KAZN: variants seen among roughly 807,000 people sequenced by gnomAD.
KAZN encodes the protein kazrin.
Under a neutral mutation model 87.4 loss-of-function variants are expected in KAZN, and 40 were observed. That is an observed-to-expected ratio of 0.46 (90% CI 0.36 to 0.60). The LOEUF (loss-of-function observed/expected upper bound fraction) is 0.60, where lower values mean the gene tolerates loss of function less well. KAZN is among the 20% of genes least tolerant of loss of function. The pLI, the probability that KAZN is intolerant of heterozygous loss-of-function variation, is 0.00. For missense variants in KAZN, 898 were observed against 1,073.9 expected, an observed-to-expected ratio of 0.84 and a Z score of 2.29; for synonymous variants, 466 against 458.3, an observed-to-expected ratio of 1.02 and a Z score of -0.22.
chr1:14,214,476 C>A (rs936829459), intron 2 of KAZN, among the ~76,000 whole-genome samples: 2 of 152,248 alleles, frequency 1.3e-5, no homozygotes, highest in Admixed American at 1.3e-4. Flanking sequence ...AATTGACAAT[C>A]TCAACCTTCT....
At chr1:15,064,269 C>T (rs1639045914) in intron 7 of KAZN, among the ~76,000 whole-genome samples, 1 of 152,164 alleles carries the variant, frequency 6.6e-6, no homozygotes, top group African/African-American at 2.4e-5. Flanking sequence ...TGGGTCTGCA[C>T]ACCACCCATT....
intron 1 of KAZN, among the ~76,000 whole-genome samples, chr1:14,646,803 A>C (rs1680844969): frequency 6.6e-6 from 1 of 152,160 alleles, no homozygotes; most frequent in East Asian, 1.9e-4. Flanking sequence ...ATTTCCCATT[A>C]GTTGTTTCCT....
At chr1:14,579,063 A>C (rs1358492401) in intron 2 of KAZN, among the ~76,000 whole-genome samples, 1 of 152,168 alleles carries the variant, frequency 6.6e-6, no homozygotes, top group Admixed American at 6.5e-5. Flanking sequence ...GTTTTTTCTT[A>C]GAAGTCAGCA....
chr1:14,119,521 A>G (rs1451926007), intron 1 of KAZN, among the ~76,000 whole-genome samples: 1 of 152,162 alleles, frequency 6.6e-6, no homozygotes, highest in Non-Finnish European at 1.5e-5. Flanking sequence ...ATTTGCCCTC[A>G]GGGATGAATC....
chr1:14,577,512 G>A (rs1675266553), intron 2 of KAZN, among the ~76,000 whole-genome samples: 1 of 152,138 alleles, frequency 6.6e-6, no homozygotes, highest in African/African-American at 2.4e-5. Context: ...AGGGCTGTCG[G>A]GGCTGGCTTC....
intron 2 of KAZN, among the ~76,000 whole-genome samples, chr1:14,997,668 G>A (rs145435142): frequency 0.011 from 1,684 of 152,244 alleles, 30 homozygotes; most frequent in African/African-American, 0.038. Context: ...AAATCCATGC[G>A]GAAAGCCTGT....
intron 2 of KAZN, among the ~76,000 whole-genome samples, chr1:14,325,716 C>T (rs949706479): frequency 1.3e-5 from 2 of 152,146 alleles, no homozygotes; most frequent in Admixed American, 6.5e-5. Context: ...GCAAACTTGA[C>T]GTGGGTCTCC....
chr1:14,230,774 GAAGGTTATAAAC>G (rs1647745903), intron 2 of KAZN, among the ~76,000 whole-genome samples: 1 of 152,128 alleles, frequency 6.6e-6, no homozygotes, highest in African/African-American at 2.4e-5. Context: ...TTTTCAGTAA[GAAGGTTATAAAC>G]AATGATTTAT....
chr1:14,692,286 A>T, intron 1 of KAZN: 1 of 691,844 alleles, frequency 1.4e-6, no homozygotes, highest in Non-Finnish European at 2.2e-6. Flanking sequence ...TTCTTGTAGG[A>T]TCTCTGCCTG....
chr1:14,936,246 T>A (rs1660443886), intron 1 of KAZN, among the ~76,000 whole-genome samples: 1 of 152,162 alleles, frequency 6.6e-6, no homozygotes, highest in Non-Finnish European at 1.5e-5. Flanking sequence ...AGCTCACGGA[T>A]CTGTGGTTGC....
chr1:14,419,603 C>G (rs1222151483), intron 2 of KAZN, among the ~76,000 whole-genome samples: 1 of 152,194 alleles, frequency 6.6e-6, no homozygotes, highest in Non-Finnish European at 1.5e-5. Flanking sequence ...TTGAGTGTTA[C>G]AGTTCTTAAA....
At chr1:14,717,385 A>G (rs561572627) in intron 1 of KAZN, among the ~76,000 whole-genome samples, 6 of 152,074 alleles carry the variant, frequency 3.9e-5, no homozygotes, top group Non-Finnish European at 7.4e-5. Context: ...TCCAAAATCA[A>G]GGTATTAGGA....
Position 15,104,190 on chromosome 1 carries a change from G to C in KAZN, c.2048+1G>C. 1 of 1,572,420 alleles carries C rather than the reference G, an allele frequency of 6.4e-7. No individual in the cohort carries two copies. The highest frequency in any genetic ancestry group is 8.6e-7 in the Non-Finnish European group (1 of 1,159,224). ...TGAGCGCCGTCTTCCACCCAGCCAA[G>C]TGAGCACGGGCTGGGATCCAGTCAT... On this transcript the variant is annotated splice_donor_variant, in intron 13 of 14. Transcript: ENST00000376030. LOFTEE classifies it high-confidence loss of function.
Position 15,067,366 on chromosome 1 carries a change from G to A in KAZN, c.1222+1613G>A, listed in dbSNP as rs777424725. On this transcript the variant is annotated intron_variant, in intron 8 of 14. Transcript: ENST00000376030. ...AGCTGGCAGGAACATCTGCCTATATGGGGGGTGGCGTTGGCCCCAAAGAGG... is the reference window on the plus strand; with the variant it reads ...AGCTGGCAGGAACATCTGCCTATATAGGGGGTGGCGTTGGCCCCAAAGAGG... 6.1e-6 allele frequency: 6 copies of A among 985,372 alleles called. No homozygotes were observed. The South Asian group carries it at 2.3e-4, about 39-fold the overall frequency. The allele number at this position is 985,372 out of a possible 1,614,324, so 61.0% of individuals were successfully genotyped here.
At chr1:13,957,977 G>T (rs569261725) in intron 1 of KAZN, among the ~76,000 whole-genome samples, 2 of 152,290 alleles carry the variant, frequency 1.3e-5, no homozygotes, top group East Asian at 1.9e-4. Context: ...GAACAGGGAC[G>T]TTCAGTGCTG....
At chr1:14,453,247 G>T (rs535642388) in intron 2 of KAZN, among the ~76,000 whole-genome samples, 5 of 152,190 alleles carry the variant, frequency 3.3e-5, no homozygotes, top group African/African-American at 1.2e-4. Context: ...GAGCCACCGT[G>T]CCTGGCCAAA....
At chr1:14,003,461 G>A (rs901836311) in intron 1 of KAZN, among the ~76,000 whole-genome samples, 16 of 151,574 alleles carry the variant, frequency 1.1e-4, no homozygotes, top group Non-Finnish European at 1.9e-4. Context: ...AATAGATGAA[G>A]GACTTAGACT....
chr1:14,654,640 A>G (rs1422587481), intron 1 of KAZN, among the ~76,000 whole-genome samples: 1 of 152,120 alleles, frequency 6.6e-6, no homozygotes, highest in East Asian at 1.9e-4. Flanking sequence ...CAGGATGGGC[A>G]TCCACCTCCT....
At position 14,382,302 on chromosome 1, in the gene KAZN, A is replaced by G. The variant is rs192026226; in HGVS notation, c.249+201710A>G. Among the ~76,000 whole-genome samples, 440 of 152,290 alleles carry G rather than the reference A, an allele frequency of 2.9e-3. 1 individual carries two copies. Among genetic ancestry groups the G allele is most frequent in the African/African-American group, 9.6e-3 (399 of 41,576 alleles). On this transcript the variant is annotated intron_variant, in intron 2 of 16. Transcript: ENST00000636203. ...ACAATATCAAAATACCATTCTTCAC[A>G]GAAATAGAAGAAACAATTCTTTTTT...
Sources: gnomAD v4.1 joint callset for allele counts (sites outside exome capture counted in the v4.1 genomes callset) on GRCh38, gnomAD v4.1.1 for gene constraint, MANE v1.5 for transcripts, NCBI Gene and HGNC (gene_info 2026-07-23, HGNC 2026-07-21) for gene names.